The following ERP27 variants were observed in gnomAD, a reference collection of about 807,000 sequenced individuals.
ERP27 encodes the protein endoplasmic reticulum protein 27, also known as endoplasmic reticulum resident protein 27.
ERP27 carries 23 observed loss-of-function variants against 27.7 expected under a neutral mutation model. The ratio of observed to expected loss-of-function variants is 0.83; its 90% confidence interval spans 0.60 to 1.18. The LOEUF is 1.18. Among genes scored for constraint, ERP27 ranks in the 50% most tolerant of loss-of-function variants. ERP27 has a pLI of 0.00. For missense variants in ERP27, 363 were observed against 327.9 expected, an observed-to-expected ratio of 1.11 and a Z score of -0.83; for synonymous variants, 159 against 118.3, an observed-to-expected ratio of 1.34 and a Z score of -2.23.
intron 6 of ERP27, 23 bp downstream of exon 6, chr12:14,915,466 T>C: frequency 6.2e-7 from 1 of 1,604,570 alleles, no homozygotes; most frequent in Non-Finnish European, 8.5e-7. Context: ...AACAATTTGC[T>C]TTACCTGCAG....
chr12:14,927,779 TACACACACATTCATGC>T (rs1863629115), intron 3 of ERP27, among the ~76,000 whole-genome samples: 1 of 142,982 alleles, frequency 7.0e-6, no homozygotes, highest in African/African-American at 2.6e-5. Flanking sequence ...CACACACACT[TACACACACATTCATGC>T]ACACACATTT....
intron 2 of ERP27, among the ~76,000 whole-genome samples, chr12:14,936,706 T>C (rs1159185715): frequency 6.6e-6 from 1 of 152,138 alleles, no homozygotes; most frequent in Non-Finnish European, 1.5e-5. Flanking sequence ...CAAGATCTGA[T>C]GGTTTTTTAA....
At chr12:14,921,111 C>A in intron 3 of ERP27, 63 bp from the exon 4 acceptor site, 1 of 1,331,170 alleles carries the variant, frequency 7.5e-7, no homozygotes, top group South Asian at 1.2e-5. Context: ...TGATAAACGT[C>A]TTTAGACCCC....
At chr12:14,921,160 G>A in intron 3 of ERP27, 112 bp from the exon 4 acceptor site, 1 of 823,630 alleles carries the variant, frequency 1.2e-6, no homozygotes. Flanking sequence ...AAGACCAAAA[G>A]ATAAGTAAGA....
At position 14,914,605 on chromosome 12, in the gene ERP27, T is replaced by C. The variant is rs1863378811; in HGVS notation, c.*130A>G. On this transcript the variant is annotated 3_prime_UTR_variant, in exon 7 of 7. Transcript: ENST00000266397. Reference sequence around the variant, plus strand: ...GTGTGTGTGTGCACGCGTGCGTGCGTGTGTGCACGTGCGTGTGTGTGTGGT... The same window carrying C: ...GTGTGTGTGTGCACGCGTGCGTGCGCGTGTGCACGTGCGTGTGTGTGTGGT... 1 of 684,920 alleles carries C rather than the reference T, an allele frequency of 1.5e-6. No homozygotes were observed. The highest frequency in any genetic ancestry group is 2.6e-5 in the Admixed American group (1 of 38,060). The allele number at this position is 684,920 out of a possible 1,614,324, so 42.4% of individuals were successfully genotyped here.
intron 3 of ERP27, among the ~76,000 whole-genome samples, chr12:14,926,878 AT>A (rs1017640321): frequency 2.0e-5 from 3 of 152,074 alleles, no homozygotes; most frequent in African/African-American, 7.2e-5. Flanking sequence ...TTATTCCTGT[AT>A]TTTTTAGCTT....
intron 3 of ERP27, among the ~76,000 whole-genome samples, chr12:14,930,155 C>T (rs1340836267): frequency 6.6e-6 from 1 of 151,900 alleles, no homozygotes; most frequent in African/African-American, 2.4e-5. Flanking sequence ...ATGTTATGCA[C>T]ATGTATCCTG....
intron 2 of ERP27, among the ~76,000 whole-genome samples, chr12:14,936,928 C>T (rs192549623): frequency 2.3e-4 from 35 of 152,214 alleles, no homozygotes; most frequent in Non-Finnish European, 3.8e-4. Context: ...CATCTGGGGT[C>T]AAGCAGAGGG....
At chr12:14,932,111 C>T (rs1473302633) in intron 3 of ERP27, among the ~76,000 whole-genome samples, 1 of 152,064 alleles carries the variant, frequency 6.6e-6, no homozygotes, top group Non-Finnish European at 1.5e-5. Context: ...CTCCGAGTGC[C>T]TTTAAGGTGC....
intron 1 of ERP27, 75 bp from the exon 2 acceptor site, chr12:14,938,127 C>A: frequency 8.3e-7 from 1 of 1,205,448 alleles, no homozygotes; most frequent in Non-Finnish European, 1.2e-6. Context: ...GCATCTATAC[C>A]TTTTATCTCT....
At chr12:14,917,033 T>A in intron 5 of ERP27, 145 bp downstream of exon 5, 1 of 862,270 alleles carries the variant, frequency 1.2e-6, no homozygotes, top group Admixed American at 2.7e-5. Context: ...TTTCAAATAA[T>A]GTGATTTATT....
chr12:14,930,385 G>C (rs1010305667), intron 3 of ERP27, among the ~76,000 whole-genome samples: 1 of 152,098 alleles, frequency 6.6e-6, no homozygotes, highest in African/African-American at 2.4e-5. Context: ...ATCCCATTAG[G>C]TCAAAGTTAG....
intron 6 of ERP27, 134 bp downstream of exon 6, chr12:14,915,351 CCTAT>C (rs1200821246): frequency 5.3e-6 from 4 of 752,444 alleles, no homozygotes; most frequent in Admixed American, 2.6e-5. Context: ...AGACATTCCT[CCTAT>C]CTATCTGCAC....
intron 3 of ERP27, among the ~76,000 whole-genome samples, chr12:14,925,795 C>T (rs137992396): frequency 0.016 from 2,405 of 151,990 alleles, 72 homozygotes; most frequent in African/African-American, 0.055. Flanking sequence ...TGGGGCCTGG[C>T]GCAGTGGCTC....
chr12:14,937,699 G>A (rs1268727577), intron 2 of ERP27, among the ~76,000 whole-genome samples: 2 of 152,212 alleles, frequency 1.3e-5, no homozygotes, highest in East Asian at 1.9e-4. Flanking sequence ...GAGCTTCAAA[G>A]CATCCATAGA....
intron 3 of ERP27, among the ~76,000 whole-genome samples, chr12:14,924,271 A>G (rs767194336): frequency 1.1e-4 from 17 of 152,148 alleles, no homozygotes; most frequent in Non-Finnish European, 2.1e-4. Context: ...TTCTCCATTC[A>G]TCTGCTCATG....
chr12:14,935,317 T>C (rs1489237898), intron 2 of ERP27: 1 of 178,452 alleles, frequency 5.6e-6, no homozygotes, highest in South Asian at 1.9e-4. Context: ...TGCACTGTTG[T>C]AGATACACAT....
chr12:14,917,385 G>A, intron 4 of ERP27, 82 bp from the exon 5 acceptor site: 2 of 1,582,428 alleles, frequency 1.3e-6, no homozygotes, highest in Non-Finnish European at 1.7e-6. Flanking sequence ...TAGGTAGATT[G>A]AAACTTAAAT....
rs1310346023 is a variant in ERP27, at chr12:14,924,406, T to C, written c.334-3358A>G. 3.3e-5 allele frequency among the ~76,000 whole-genome samples: 5 copies of C among 152,250 alleles called. No homozygotes were observed. The East Asian group carries it at 9.6e-4, about 29-fold the overall frequency. ...TTGGATGTATATCCAATAGTGAAAG[T>C]GCTGGTTCATATGGTAGTTCTATTT... On this transcript the variant is annotated intron_variant, in intron 3 of 6. Coordinates refer to ENST00000266397, the MANE Select transcript of ERP27 (RefSeq NM_152321.4).
Sources: gnomAD v4.1 joint callset for allele counts (sites outside exome capture counted in the v4.1 genomes callset) on GRCh38, gnomAD v4.1.1 for gene constraint, MANE v1.5 for transcripts, NCBI Gene and HGNC (gene_info 2026-07-23, HGNC 2026-07-21) for gene names.